The following MDGA2 variants were observed in gnomAD, a reference collection of about 807,000 sequenced individuals.
The protein encoded by MDGA2 is MAM domain containing glycosylphosphatidylinositol anchor 2, also known as MAM domain-containing glycosylphosphatidylinositol anchor protein 2.
Under a neutral mutation model 117.8 loss-of-function variants are expected in MDGA2, and 40 were observed. The observed-to-expected ratio is 0.34, with a 90% CI of 0.26 to 0.44. MDGA2 has a LOEUF of 0.44. Among genes scored for constraint, MDGA2 ranks in the 20% least tolerant of loss-of-function variants. The probability of loss-of-function intolerance (pLI) is 1.00; values close to 1 mark genes in which losing one functional copy is unlikely to be tolerated. For missense variants in MDGA2, 1,123 were observed against 1,250.6 expected, an observed-to-expected ratio of 0.90 and a Z score of 1.54; for synonymous variants, 452 against 439.0, an observed-to-expected ratio of 1.03 and a Z score of -0.37.
intron 1 of MDGA2, among the ~76,000 whole-genome samples, chr14:47,480,243 G>T (rs1181990785): frequency 6.6e-6 from 1 of 151,910 alleles, no homozygotes; most frequent in Non-Finnish European, 1.5e-5. Flanking sequence ...ACATATCAAG[G>T]TTTACAAATT....
At chr14:46,847,086 G>A (rs960879374) in intron 15 of MDGA2, among the ~76,000 whole-genome samples, 7 of 152,050 alleles carry the variant, frequency 4.6e-5, no homozygotes, top group African/African-American at 1.4e-4. Flanking sequence ...CTACTTTTGA[G>A]AAATTTATCC....
chr14:47,602,464 T>C (rs1032074687), intron 1 of MDGA2, among the ~76,000 whole-genome samples: 8 of 146,344 alleles, frequency 5.5e-5, no homozygotes, highest in African/African-American at 2.0e-4. Flanking sequence ...AAGCTCTTTA[T>C]TTAAAAAAAA....
intron 1 of MDGA2, among the ~76,000 whole-genome samples, chr14:47,562,840 G>A (rs1895842287): frequency 6.6e-6 from 1 of 151,960 alleles, no homozygotes; most frequent in Non-Finnish European, 1.5e-5. Flanking sequence ...TTGAGACTCT[G>A]CTATCTTTTT....
At chr14:47,004,346 G>T (rs1214191258) in intron 8 of MDGA2, among the ~76,000 whole-genome samples, 2 of 151,770 alleles carry the variant, frequency 1.3e-5, no homozygotes, top group African/African-American at 4.8e-5. Context: ...TCCTTTCTCA[G>T]CTAAATTGCC....
chr14:47,373,156 A>G (rs1024405524), intron 1 of MDGA2, among the ~76,000 whole-genome samples: 9 of 152,046 alleles, frequency 5.9e-5, no homozygotes, highest in Admixed American at 5.9e-4. Flanking sequence ...GATCATTTGG[A>G]GAGTTTTGAA....
intron 1 of MDGA2, among the ~76,000 whole-genome samples, chr14:47,364,355 C>A (rs1891186076): frequency 6.6e-6 from 1 of 152,192 alleles, no homozygotes; most frequent in Non-Finnish European, 1.5e-5. Context: ...AGCTCTGCCT[C>A]CCGGGTTCAC....
intron 7 of MDGA2, among the ~76,000 whole-genome samples, chr14:47,037,427 C>G (rs1888893558): frequency 6.6e-6 from 1 of 152,110 alleles, no homozygotes; most frequent in Non-Finnish European, 1.5e-5. Context: ...AATACTGAAG[C>G]AGGTTCAATA....
intron 14 of MDGA2, among the ~76,000 whole-genome samples, chr14:46,865,349 GC>G (rs1881707604): frequency 6.6e-6 from 1 of 151,904 alleles, no homozygotes; most frequent in Non-Finnish European, 1.5e-5. Flanking sequence ...AACGCTTCAT[GC>G]TAAAAACTCT....
chr14:47,335,312 T>C (rs892727853), intron 1 of MDGA2, among the ~76,000 whole-genome samples: 2 of 136,752 alleles, frequency 1.5e-5, no homozygotes, highest in African/African-American at 5.5e-5. Flanking sequence ...AAGGTTTCCG[T>C]AGGTTGAGGG....
intron 1 of MDGA2, among the ~76,000 whole-genome samples, chr14:47,307,772 C>T (rs910301891): frequency 6.6e-6 from 1 of 151,948 alleles, no homozygotes; most frequent in African/African-American, 2.4e-5. Flanking sequence ...GGTGAGTTCA[C>T]CAATAGTTGA....
intron 1 of MDGA2, among the ~76,000 whole-genome samples, chr14:47,600,440 A>T (rs1896627020): frequency 6.6e-6 from 1 of 152,032 alleles, no homozygotes; most frequent in Non-Finnish European, 1.5e-5. Flanking sequence ...TCTCAAAAAA[A>T]ATTTTAAAAA....
intron 2 of MDGA2, among the ~76,000 whole-genome samples, chr14:47,297,447 G>A (rs942387765): frequency 3.4e-5 from 5 of 146,866 alleles, no homozygotes; most frequent in African/African-American, 5.1e-5. Flanking sequence ...GTGAAGGGAA[G>A]GGAAGGGGAG....
chr14:47,341,563 A>C (rs1285607927), intron 1 of MDGA2, among the ~76,000 whole-genome samples: 1 of 152,224 alleles, frequency 6.6e-6, no homozygotes, highest in Non-Finnish European at 1.5e-5. Context: ...TGAAAATAGG[A>C]AGTTACTTCA....
chr14:47,620,670 A>T (rs1555234), intron 1 of MDGA2, among the ~76,000 whole-genome samples: 58,632 of 151,976 alleles, frequency 0.39, 11,644 homozygotes, highest in South Asian at 0.49. Context: ...CAATTTTTAA[A>T]TAAGATTAAG....
intron 5 of MDGA2, among the ~76,000 whole-genome samples, chr14:47,113,708 C>G (rs1881170043): frequency 6.6e-6 from 1 of 152,076 alleles, no homozygotes; most frequent in Admixed American, 6.5e-5. Flanking sequence ...ATTCAACATC[C>G]CTTCATGTTA....
intron 1 of MDGA2, among the ~76,000 whole-genome samples, chr14:47,547,501 G>T (rs74045165): frequency 1.3e-5 from 2 of 152,104 alleles, no homozygotes; most frequent in Admixed American, 1.3e-4. Flanking sequence ...TGGTCTGAAC[G>T]GAATACAAAG....
At chr14:47,490,720 T>C (rs1365582573) in intron 1 of MDGA2, among the ~76,000 whole-genome samples, 8 of 152,044 alleles carry the variant, frequency 5.3e-5, no homozygotes, top group Non-Finnish European at 4.4e-5. Flanking sequence ...ACTTTGAAAA[T>C]CTAAAAACAT....
chr14:47,148,552 C>T (rs945483086), intron 3 of MDGA2, among the ~76,000 whole-genome samples: 1 of 152,104 alleles, frequency 6.6e-6, no homozygotes, highest in African/African-American at 2.4e-5. Flanking sequence ...TGGCAATGTG[C>T]CCACTCCAGA....
chr14:47,202,184 C>CTTAA (rs1383715734), intron 3 of MDGA2, among the ~76,000 whole-genome samples: 1 of 152,000 alleles, frequency 6.6e-6, no homozygotes, highest in Non-Finnish European at 1.5e-5. Flanking sequence ...TTATAATGGG[C>CTTAA]TTAACACTTT....
Sources: allele counts gnomAD v4.1 joint callset (sites outside exome capture counted in the v4.1 genomes callset), GRCh38; gene constraint gnomAD v4.1.1; transcripts MANE v1.5; gene names NCBI Gene and HGNC (gene_info 2026-07-23, HGNC 2026-07-21).